The following AKT3 variants were observed in gnomAD, a reference collection of about 807,000 sequenced individuals.
The protein encoded by AKT3 is RAC-gamma serine/threonine-protein kinase.
A neutral mutation model predicts 65.3 loss-of-function variants in AKT3; 15 were observed. The ratio of observed to expected loss-of-function variants is 0.23; its 90% CI spans 0.15 to 0.35. The LOEUF (loss-of-function observed/expected upper bound fraction) is 0.35, where lower values mean the gene tolerates loss of function less well. AKT3 is among the 10% of genes least tolerant of loss of function. The pLI is 1.00. For missense variants in AKT3, 243 were observed against 576.5 expected (o/e 0.42, Z 5.92); for synonymous variants, 206 against 183.8 (o/e 1.12, Z -0.98).
chr1:243,781,523 T>A (rs1465924342), intron 2 of AKT3, among the ~76,000 whole-genome samples: 1 of 152,212 alleles, frequency 6.6e-6, no homozygotes, highest in Non-Finnish European at 1.5e-5. Context: ...AAACACATTG[T>A]ATAAGAATAT....
intron 3 of AKT3, among the ~76,000 whole-genome samples, chr1:243,667,240 C>T (rs907141241): frequency 3.3e-5 from 5 of 152,146 alleles, no homozygotes; most frequent in Non-Finnish European, 7.4e-5. Context: ...TCCCGGCTGC[C>T]CTAAGACAAG....
chr1:243,715,513 G>T (rs887653174), intron 2 of AKT3, among the ~76,000 whole-genome samples: 2 of 152,062 alleles, frequency 1.3e-5, no homozygotes, highest in Non-Finnish European at 2.9e-5. Flanking sequence ...ACAGAAGTCT[G>T]ATTCTGCATA....
intron 2 of AKT3, among the ~76,000 whole-genome samples, chr1:243,705,713 G>A (rs1017892926): frequency 6.6e-6 from 1 of 152,070 alleles, no homozygotes. Flanking sequence ...AAGAATAAAC[G>A]GTGACTTTAG....
chr1:243,761,846 TATA>T (rs1411115032), intron 2 of AKT3, among the ~76,000 whole-genome samples: 1 of 152,142 alleles, frequency 6.6e-6, no homozygotes, highest in Non-Finnish European at 1.5e-5. Context: ...TTTTAAGAAA[TATA>T]ATAAGTATTT....
chr1:243,549,878 T>C (rs574249796), intron 11 of AKT3, among the ~76,000 whole-genome samples: 1 of 152,320 alleles, frequency 6.6e-6, no homozygotes, highest in African/African-American at 2.4e-5. Context: ...CTCTTCTGAA[T>C]GAAGATTAAA....
upstream of AKT3, among the ~76,000 whole-genome samples, chr1:243,850,565 T>G: frequency 7.0e-6 from 1 of 143,674 alleles, no homozygotes; most frequent in Admixed American, 6.8e-5. Context: ...CCCTCCTTCC[T>G]CCCGCTCGGG....
intron 2 of AKT3, among the ~76,000 whole-genome samples, chr1:243,813,674 T>A (rs1693330906): frequency 6.6e-6 from 1 of 152,196 alleles, no homozygotes; most frequent in Non-Finnish European, 1.5e-5. Context: ...TAGGCATAAT[T>A]ATGAAATATG....
intron 2 of AKT3, among the ~76,000 whole-genome samples, chr1:243,772,281 A>G (rs2148280993): frequency 6.6e-6 from 1 of 152,286 alleles, no homozygotes; most frequent in Non-Finnish European, 1.5e-5. Context: ...AATTTTTGCA[A>G]TCTACTCATC....
chr1:243,696,100 CATAAG>C (rs1685044595), intron 2 of AKT3, among the ~76,000 whole-genome samples: 1 of 150,812 alleles, frequency 6.6e-6, no homozygotes, highest in Middle Eastern at 3.5e-3. Flanking sequence ...AAACATTTAT[CATAAG>C]AGAGGCAAGA....
intron 9 of AKT3, among the ~76,000 whole-genome samples, chr1:243,571,023 A>G (rs576879337): frequency 6.6e-6 from 1 of 152,356 alleles, no homozygotes; most frequent in African/African-American, 2.4e-5. Context: ...ATGAGCTTCA[A>G]TATACCAATA....
At chr1:243,803,513 A>C (rs2148373052) in intron 2 of AKT3, among the ~76,000 whole-genome samples, 1 of 152,300 alleles carries the variant, frequency 6.6e-6, no homozygotes, top group South Asian at 2.1e-4. Flanking sequence ...TCTTTATGAA[A>C]ACATAAACTA....
At chr1:243,535,151 A>ATT (rs1172675504) in intron 12 of AKT3, among the ~76,000 whole-genome samples, 9 of 39,720 alleles carry the variant, frequency 2.3e-4, no homozygotes, top group East Asian at 1.3e-3. Flanking sequence ...AAAATTTTAA[A>ATT]ATATATTTTA....
At chr1:243,545,814 G>C (rs1375293302) in intron 11 of AKT3, among the ~76,000 whole-genome samples, 1 of 152,174 alleles carries the variant, frequency 6.6e-6, no homozygotes, top group Non-Finnish European at 1.5e-5. Flanking sequence ...AAAGAGCAGA[G>C]GCTTTAGAGA....
At chr1:243,760,302 T>TTTG (rs1689407208) in intron 2 of AKT3, among the ~76,000 whole-genome samples, 1 of 146,766 alleles carries the variant, frequency 6.8e-6, no homozygotes, top group Non-Finnish European at 1.5e-5. Context: ...TTTTTTTTTT[T>TTTG]TTGTCATGGA....
intron 8 of AKT3, among the ~76,000 whole-genome samples, chr1:243,592,941 T>A (rs1450291046): frequency 6.6e-6 from 1 of 151,990 alleles, no homozygotes; most frequent in African/African-American, 2.4e-5. Flanking sequence ...AAGGAGGAAA[T>A]AAAAGTATAC....
chr1:243,631,322 T>C (rs990931754), intron 6 of AKT3, among the ~76,000 whole-genome samples: 4 of 152,012 alleles, frequency 2.6e-5, no homozygotes, highest in Admixed American at 1.3e-4. Context: ...AATTTCTTTC[T>C]TTTTTTTGAG....
intron 12 of AKT3, among the ~76,000 whole-genome samples, chr1:243,520,168 A>G (rs1248719651): frequency 6.6e-6 from 1 of 152,216 alleles, no homozygotes; most frequent in Non-Finnish European, 1.5e-5. Context: ...AAGTAACTGC[A>G]TTAAAATGAG....
At chr1:243,638,423 G>A (rs1480503066) in intron 5 of AKT3, among the ~76,000 whole-genome samples, 2 of 152,126 alleles carry the variant, frequency 1.3e-5, no homozygotes, top group East Asian at 1.9e-4. Context: ...CCAGTCACAC[G>A]TGCCACTTGT....
chr1:243,830,328 AT>A (rs1397548344), intron 2 of AKT3, among the ~76,000 whole-genome samples: 1 of 152,140 alleles, frequency 6.6e-6, no homozygotes, highest in Non-Finnish European at 1.5e-5. Context: ...GCATCAGCAG[AT>A]TTTGCTATCT....
Sources: allele counts gnomAD v4.1 joint callset (sites outside exome capture counted in the v4.1 genomes callset), GRCh38; gene constraint gnomAD v4.1.1; transcripts MANE v1.5; gene names NCBI Gene and HGNC (gene_info 2026-07-23, HGNC 2026-07-21).